Variants in C9orf50 observed in about 807,000 individuals in gnomAD.
The protein encoded by C9orf50 is chromosome 9 open reading frame 50, also known as uncharacterized protein C9orf50.
C9orf50 carries 33 observed loss-of-function variants against 42.5 expected under a neutral mutation model. The observed-to-expected ratio is 0.78, with a 90% CI of 0.59 to 1.04. The LOEUF is 1.04. Among genes scored for constraint, C9orf50 ranks in the 50% least tolerant of loss-of-function variants. The pLI, the probability that C9orf50 is intolerant of heterozygous loss-of-function variation, is 0.00. For synonymous variants in C9orf50, 257 were observed against 273.4 expected (o/e 0.94, Z 0.59); for missense variants, 547 against 594.3 (o/e 0.92, Z 0.83).
rs1830145165 is a variant in C9orf50, at chr9:129,612,593, C to T, written c.1189-139G>A. On this transcript the variant is annotated intron_variant, in intron 6 of 6. Coordinates refer to ENST00000372478, the Ensembl canonical transcript of C9orf50. ...ATTTTAAAAGATGAGGAAACAAATG[C>T]AAGGTCAAGCACGGTGGCTCTCGCC... is the stretch of plus-strand genomic sequence containing the variant. 1.3e-5 allele frequency: 9 copies of T among 673,612 alleles called. No individual in the cohort carries two copies. The Admixed American group carries it at 2.2e-4, about 17-fold the overall frequency. The allele number at this position is 673,612 out of a possible 1,614,324, so 41.7% of individuals were successfully genotyped here.
chr9:129,612,972 C>G, intron 6 of C9orf50, 135 bp downstream of exon 6: 1 of 1,124,802 alleles, frequency 8.9e-7, no homozygotes, highest in Non-Finnish European at 1.3e-6. Context: ...CCACTGCAAG[C>G]CCCCACGGTG....
intron 6 of C9orf50, 146 bp downstream of exon 6, chr9:129,612,961 G>A: frequency 1.0e-6 from 1 of 982,252 alleles, no homozygotes; most frequent in South Asian, 1.6e-5. Flanking sequence ...ACAGGGCGTG[G>A]CCACTGCAAG....
At chr9:129,612,390 T>C (rs1830135786) in exon 7 of C9orf50, 2 of 1,613,232 alleles carry the variant, frequency 1.2e-6, no homozygotes, top group South Asian at 1.1e-5. Flanking sequence ...CAGGAGGAGA[T>C]GGTACCCCTT....
In C9orf50 at chr9:129,613,141, C is replaced by T. The variant is rs1279963454; in HGVS notation, c.1154G>A (p.Arg385Gln). The change falls in exon 6 of 7, where the codon CGA becomes CAA. Residue 385 changes from arginine (R) to glutamine (Q), a missense_variant. Arg to Gln is a conservative substitution (Grantham distance 43, BLOSUM62 1). Transcript: ENST00000372478. This position sits in a 1 kb window ranked among gnomAD's most constrained non-coding sequence, Gnocchi z 6.2. ...GTTTCTGTGCGGGTCCAAGAAGGCT[C>T]GGAGGCTGCTTCGCGGCCTCTGAGC... is the stretch of plus-strand genomic sequence containing the variant. 6.2e-6 allele frequency: 10 copies of T among 1,613,852 alleles called. No individual in the cohort carries two copies. Among genetic ancestry groups the T allele is most frequent in the Non-Finnish European group, 7.6e-6 (9 of 1,180,008 alleles).
At position 129,620,548 on chromosome 9, in the gene C9orf50, C is replaced by A. The variant is rs746882730; in HGVS notation, c.27G>T (p.Gly9=). 7.1e-6 allele frequency: 10 copies of A among 1,401,038 alleles called. No homozygotes were observed. In the African/African-American group the frequency reaches 1.5e-4, roughly 21 times the overall value. 86.8% of individuals were successfully genotyped at this position (1,401,038 alleles called of 1,614,324 possible). Reference sequence around the variant, plus strand: ...GCCCCTTGGGCGCCAGGTCCTGGGCCCCTGGGCGAAGTCGACGCCAGAACA... The same window carrying A: ...GCCCCTTGGGCGCCAGGTCCTGGGCACCTGGGCGAAGTCGACGCCAGAACA... Residue 9 remains glycine (G), a synonymous_variant, in exon 1 of 7, where the codon GGG becomes GGT. Coordinates refer to ENST00000372478, the Ensembl canonical transcript of C9orf50. This position sits in a 1 kb window ranked among gnomAD's most constrained non-coding sequence, Gnocchi z 5.8.
rs147521610 is a variant in C9orf50, at chr9:129,613,527, G to A, written c.951C>T (p.Val317=). The change falls in exon 5 of 7, where the codon GTC becomes GTT. Residue 317 remains valine, a synonymous_variant. Coordinates refer to ENST00000372478, the Ensembl canonical transcript of C9orf50. The surrounding 1 kb of genome is among the most constrained non-coding windows in gnomAD (Gnocchi z 6.2). ...TGGGCAAACTCTCCAGCCGTTTTCCGACACTCCCAAACACCCGCTCGGACG... is the reference window on the plus strand; with the variant it reads ...TGGGCAAACTCTCCAGCCGTTTTCCAACACTCCCAAACACCCGCTCGGACG... 13 of 1,614,144 alleles carry A rather than the reference G, an allele frequency of 8.1e-6. No homozygotes were observed. Among genetic ancestry groups the A allele is most frequent in the Middle Eastern group, 1.6e-4 (1 of 6,062 alleles).
chr9:129,619,415 A>T, intron 3 of C9orf50, 105 bp downstream of exon 3: 1 of 797,920 alleles, frequency 1.3e-6, no homozygotes, highest in Non-Finnish European at 2.1e-6. Context: ...ATGAATGGGT[A>T]GATAGGTGGA....
chr9:129,619,615 C>G (rs776108629), exon 3 of C9orf50: 2 of 1,614,076 alleles, frequency 1.2e-6, no homozygotes, highest in South Asian at 2.2e-5. Flanking sequence ...TAAGACTATC[C>G]TGGAGGTGCG....
Position 129,613,463 on chromosome 9 carries a change from TG to T in C9orf50, c.1014del (p.Ser339AlafsTer25). ...CCAGCGCAGTCCCAACACGAGGAGC[TG>T]GCCAGGGTCTCCTCCTTGGCCCCAG... On this transcript the variant is annotated frameshift_variant, in exon 5 of 7. Transcript: ENST00000372478. LOFTEE classifies it high-confidence loss of function. This position sits in a 1 kb window ranked among gnomAD's most constrained non-coding sequence, Gnocchi z 6.2. 1 of 1,614,034 alleles carries T rather than the reference TG, an allele frequency of 6.2e-7. No individual in the cohort carries two copies. Among genetic ancestry groups the T allele is most frequent in the Non-Finnish European group, 8.5e-7 (1 of 1,180,000 alleles).
intron 6 of C9orf50, among the ~76,000 whole-genome samples, 170 bp from the exon 7 acceptor site, chr9:129,612,624 T>C (rs1830146346): frequency 6.6e-6 from 1 of 152,184 alleles, no homozygotes; most frequent in Non-Finnish European, 1.5e-5. Context: ...TCGCCTGTAA[T>C]CCCAGCAGTT....
In C9orf50 at chr9:129,613,377, G is replaced by C. The variant is rs959788221; in HGVS notation, c.1043+58C>G. ...GCTGGGTGGGGAGGTCTGTAGGCAA[G>C]GGGGGTGGAGGGCCCTGGCAATGTC... On this transcript the variant is annotated intron_variant, in intron 5 of 6. Transcript: ENST00000372478. The surrounding 1 kb of genome is among the most constrained non-coding windows in gnomAD (Gnocchi z 6.2). The C allele has an allele frequency of 1.3e-6, 2 of 1,594,304 alleles. No individual in the cohort carries two copies. The highest frequency in any genetic ancestry group is 1.7e-6 in the Non-Finnish European group (2 of 1,167,924).
exon 2 of C9orf50, chr9:129,619,803 C>G (rs748098049): frequency 3.1e-6 from 5 of 1,614,124 alleles, no homozygotes; most frequent in Non-Finnish European, 8.5e-7. Context: ...CTCTAATACA[C>G]CCCTTTGATG....
Position 129,620,264 on chromosome 9 carries a change from G to A in C9orf50, c.311C>T (p.Pro104Leu). ...CCGGGACGCGCCGGCCGACAGCAGG[G>A]GAGGCGGCAGCAGGGACCGCAGCAG... is the stretch of plus-strand genomic sequence containing the variant. The change falls in exon 1 of 7, where the codon CCC becomes CTC. Residue 104 changes from proline (P) to leucine (L), a missense_variant. This residue lies in a region of C9orf50 where 108 missense variants were observed against 172.1 expected (regional missense o/e 0.63). Coordinates refer to ENST00000372478, the Ensembl canonical transcript of C9orf50. This position sits in a 1 kb window ranked among gnomAD's most constrained non-coding sequence, Gnocchi z 5.8. 7.5e-7 allele frequency: 1 copy of A among 1,330,090 alleles called. No individual in the cohort carries two copies. The highest frequency in any genetic ancestry group is 9.7e-7 in the Non-Finnish European group (1 of 1,035,428). 82.4% of individuals were successfully genotyped at this position (1,330,090 alleles called of 1,614,324 possible).
rs537435680 is a variant in C9orf50 at position 129,613,142 on chromosome 9, G to A, written c.1153C>T (p.Arg385Ter). ...TTTCTGTGCGGGTCCAAGAAGGCTC[G>A]GAGGCTGCTTCGCGGCCTCTGAGCA... Residue 385 changes from arginine (R) to a stop codon, truncating the protein, a stop_gained, in exon 6 of 7, where the codon CGA (arginine) becomes TGA (stop). Coordinates refer to ENST00000372478, the Ensembl canonical transcript of C9orf50. LOFTEE classifies it low-confidence loss of function (END_TRUNC). The surrounding 1 kb of genome is among the most constrained non-coding windows in gnomAD (Gnocchi z 6.2). 1.9e-4 allele frequency: 301 copies of A among 1,613,876 alleles called. 2 individuals carry two copies. The South Asian group carries it at 2.8e-3, about 15-fold the overall frequency.
chr9:129,619,377 AT>A, intron 3 of C9orf50, 142 bp downstream of exon 3: 1 of 679,524 alleles, frequency 1.5e-6, no homozygotes, highest in South Asian at 1.8e-5. Flanking sequence ...AGAAGATCTG[AT>A]TCACGGACAG....
At chr9:129,621,130 A>G (rs1196060189), upstream of C9orf50, among the ~76,000 whole-genome samples, 1 of 152,230 alleles carries the variant, frequency 6.6e-6, no homozygotes, top group Non-Finnish European at 1.5e-5. Context: ...TGCAGTGTTC[A>G]AAGCGTGGAA....
chr9:129,613,146 G>T lies in C9orf50; in HGVS notation c.1149C>A (p.Ser383Arg), dbSNP rs1830169671. Residue 383 changes from serine (S) to arginine (R), a missense_variant, in exon 6 of 7, where the codon AGC becomes AGA. By Grantham distance (110) the Ser-to-Arg change is moderately radical. Transcript: ENST00000372478. The surrounding 1 kb of genome is among the most constrained non-coding windows in gnomAD (Gnocchi z 6.2). Reference sequence around the variant, plus strand: ...TGTGCGGGTCCAAGAAGGCTCGGAGGCTGCTTCGCGGCCTCTGAGCAGCGG... The same window carrying T: ...TGTGCGGGTCCAAGAAGGCTCGGAGTCTGCTTCGCGGCCTCTGAGCAGCGG... 6.2e-7 allele frequency: 1 copy of T among 1,613,862 alleles called. No homozygotes were observed. Among genetic ancestry groups the T allele is most frequent in the Non-Finnish European group, 8.5e-7 (1 of 1,180,010 alleles).
intron 3 of C9orf50, 63 bp from the exon 4 acceptor site, chr9:129,615,710 A>G: frequency 6.9e-7 from 1 of 1,455,686 alleles, no homozygotes; most frequent in Non-Finnish European, 9.0e-7. Context: ...CACACGCACC[A>G]GCCCCAGACT....
chr9:129,615,624 G>T, exon 4 of C9orf50: 2 of 1,585,630 alleles, frequency 1.3e-6, no homozygotes, highest in Admixed American at 1.8e-5. Context: ...CTTGAGCCTG[G>T]GGACCTGTGC....
Sources: gnomAD v4.1 joint callset for allele counts (sites outside exome capture counted in the v4.1 genomes callset) on GRCh38, gnomAD v4.1.1 for gene constraint, gnomAD v4.1.1 regional missense constraint, Gnocchi (gnomAD v3.1) non-coding constraint, MANE v1.5 for transcripts, NCBI Gene and HGNC (gene_info 2026-07-23, HGNC 2026-07-21) for gene names.